The following ANO4 variants were observed in gnomAD, a reference collection of about 807,000 sequenced individuals.
ANO4 encodes the protein anoctamin-4.
ANO4 carries 69 observed loss-of-function variants against 141.9 expected under a neutral mutation model. That is an observed-to-expected ratio of 0.49 (90% CI 0.40 to 0.59). The LOEUF (loss-of-function observed/expected upper bound fraction) is 0.59. ANO4 is among the 20% of genes least tolerant of loss of function. ANO4 has a pLI of 0.00. For synonymous variants in ANO4, 350 were observed against 394.3 expected (o/e 0.89, Z 1.33); for missense variants, 894 against 1,162.2 (o/e 0.77, Z 3.36).
chr12:101,000,697 G>T (rs1324491553), intron 8 of ANO4, among the ~76,000 whole-genome samples: 4 of 152,090 alleles, frequency 2.6e-5, no homozygotes, highest in Non-Finnish European at 5.9e-5. Flanking sequence ...AAAAAGCCAC[G>T]CATCTTGAGA....
intron 2 of ANO4, among the ~76,000 whole-genome samples, chr12:100,921,306 A>G (rs920557532): frequency 3.3e-5 from 5 of 152,112 alleles, no homozygotes; most frequent in Non-Finnish European, 4.4e-5. Context: ...GCTATGAGTT[A>G]TCTTATTCTT....
chr12:100,914,061 A>G (rs1239858986), intron 2 of ANO4, among the ~76,000 whole-genome samples: 1 of 152,182 alleles, frequency 6.6e-6, no homozygotes, highest in Admixed American at 6.5e-5. Context: ...AGCATCTAGG[A>G]GATTGGAAGA....
intron 3 of ANO4, among the ~76,000 whole-genome samples, chr12:100,926,848 G>C (rs982195385): frequency 1.3e-5 from 2 of 152,008 alleles, no homozygotes; most frequent in African/African-American, 4.8e-5. Flanking sequence ...AGGGAGCCAG[G>C]CTTCTGGTAG....
rs1273134457 is a variant in ANO4 at position 101,039,931 on chromosome 12, C to A, written c.898-24C>A. On this transcript the variant is annotated intron_variant, in intron 10 of 27. Transcript: ENST00000392977. ...TGTGACTTTTGTGAGTACTACCTCA[C>A]TGGCAGTGGTGTTTTTATCCCAGGG... is the stretch of plus-strand genomic sequence containing the variant. 1.9e-6 allele frequency: 3 copies of A among 1,603,572 alleles called. No individual in the cohort carries two copies. The South Asian group carries it at 3.4e-5, about 18-fold the overall frequency.
chr12:100,747,797 CG>C (rs1196414284), intron 3 of ANO4, among the ~76,000 whole-genome samples: 2 of 152,168 alleles, frequency 1.3e-5, no homozygotes, highest in African/African-American at 2.4e-5. Flanking sequence ...CACTTGAACC[CG>C]GGAGGTGAAG....
At chr12:101,094,183 C>T in intron 17 of ANO4, 73 bp from the exon 18 acceptor site, 4 of 1,218,156 alleles carry the variant, frequency 3.3e-6, no homozygotes, top group Non-Finnish European at 4.8e-6. Flanking sequence ...ATTTGACTCC[C>T]TATTTCCTTT....
chr12:100,872,804 A>T (rs1320656071), intron 1 of ANO4, among the ~76,000 whole-genome samples: 4 of 152,206 alleles, frequency 2.6e-5, no homozygotes, highest in Admixed American at 6.5e-5. Flanking sequence ...TGAGGTTCCC[A>T]TGGGAAGTAA....
intron 24 of ANO4, among the ~76,000 whole-genome samples, chr12:101,114,167 A>G (rs1233510688): frequency 1.3e-5 from 2 of 152,210 alleles, no homozygotes; most frequent in African/African-American, 4.8e-5. Flanking sequence ...CCTTCCTGCT[A>G]TAACAATGGG....
At chr12:100,786,027 T>G (rs1288006268) in intron 3 of ANO4, among the ~76,000 whole-genome samples, 1 of 152,186 alleles carries the variant, frequency 6.6e-6, no homozygotes, top group Non-Finnish European at 1.5e-5. Context: ...TCCTCTCAGC[T>G]CAAGTAATAG....
chr12:100,786,600 C>T (rs1229879542), intron 3 of ANO4, among the ~76,000 whole-genome samples: 6 of 152,084 alleles, frequency 3.9e-5, no homozygotes, highest in Non-Finnish European at 5.9e-5. Context: ...TCCATCAAGC[C>T]CCTTCTGCCT....
intron 1 of ANO4, among the ~76,000 whole-genome samples, chr12:100,893,184 T>G (rs1593662069): frequency 1.3e-5 from 2 of 151,270 alleles, no homozygotes; most frequent in East Asian, 3.9e-4. Flanking sequence ...GAGCTGATCT[T>G]AGGAGAATAT....
intron 1 of ANO4, among the ~76,000 whole-genome samples, chr12:100,834,182 T>G (rs1054790620): frequency 6.6e-6 from 1 of 152,124 alleles, no homozygotes; most frequent in African/African-American, 2.4e-5. Flanking sequence ...GACTGCTTCT[T>G]CCACTGTTGT....
intron 1 of ANO4, among the ~76,000 whole-genome samples, chr12:100,900,411 G>A (rs757554489): frequency 2.0e-5 from 3 of 151,844 alleles, no homozygotes; most frequent in African/African-American, 4.8e-5. Flanking sequence ...TCATTAACTC[G>A]TCATTTACAT....
intron 17 of ANO4, among the ~76,000 whole-genome samples, chr12:101,089,350 C>G (rs1215457536): frequency 1.3e-5 from 2 of 151,796 alleles, no homozygotes; most frequent in African/African-American, 2.4e-5. Flanking sequence ...TTTCAAGACT[C>G]AGAAGTAATA....
chr12:100,721,805 A>G (rs1309763018), intron 1 of ANO4, among the ~76,000 whole-genome samples: 2 of 151,178 alleles, frequency 1.3e-5, no homozygotes, highest in African/African-American at 4.9e-5. Flanking sequence ...CAGCCTCCAT[A>G]GTAGCTGTGA....
intron 9 of ANO4, among the ~76,000 whole-genome samples, chr12:101,035,817 C>T (rs1279753970): frequency 6.6e-6 from 1 of 152,020 alleles, no homozygotes; most frequent in African/African-American, 2.4e-5. Flanking sequence ...TACACATGGA[C>T]AAAGAAGGGA....
At chr12:100,852,255 T>A (rs2037913334) in intron 1 of ANO4, 2 of 152,180 alleles carry the variant, frequency 1.3e-5, no homozygotes, top group South Asian at 4.1e-4. Flanking sequence ...AAAAACATAT[T>A]TCAAATAAAT....
chr12:100,826,485 G>A (rs1035567097), intron 1 of ANO4, among the ~76,000 whole-genome samples: 8 of 152,076 alleles, frequency 5.3e-5, no homozygotes, highest in Middle Eastern at 3.4e-3. Flanking sequence ...CACCTTCTGT[G>A]TTTTTCTTTT....
chr12:100,754,715 A>G (rs2032534425), intron 3 of ANO4, among the ~76,000 whole-genome samples: 1 of 152,218 alleles, frequency 6.6e-6, no homozygotes, highest in African/African-American at 2.4e-5. Context: ...AATATATTAT[A>G]CAATGGTATA....
Sources: allele counts gnomAD v4.1 joint callset (sites outside exome capture counted in the v4.1 genomes callset), GRCh38; gene constraint gnomAD v4.1.1; transcripts MANE v1.5; gene names NCBI Gene and HGNC (gene_info 2026-07-23, HGNC 2026-07-21).